Variants in KHDRBS3 observed in about 807,000 individuals in gnomAD.
KHDRBS3 encodes the protein KH domain-containing, RNA-binding, signal transduction-associated protein 3.
A neutral mutation model predicts 45.6 loss-of-function variants in KHDRBS3; 23 were observed. That is an observed-to-expected ratio of 0.50 (90% CI 0.36 to 0.72). The LOEUF is 0.72. Ranked by LOEUF, KHDRBS3 falls within the 30% of genes least tolerant of loss-of-function variation. KHDRBS3 has a pLI of 0.00. For missense variants in KHDRBS3, 352 were observed against 424.8 expected, an observed-to-expected ratio of 0.83 and a Z score of 1.51; for synonymous variants, 162 against 156.5, an observed-to-expected ratio of 1.04 and a Z score of -0.26.
At chr8:135,569,618 A>AAT (rs1827600991) in intron 5 of KHDRBS3, among the ~76,000 whole-genome samples, 1 of 152,134 alleles carries the variant, frequency 6.6e-6, no homozygotes, top group South Asian at 2.1e-4. Context: ...GGAAAGAAAA[A>AAT]ATATATATAT....
At chr8:135,539,409 G>T (rs1341532861) in intron 2 of KHDRBS3, 2 of 152,284 alleles carry the variant, frequency 1.3e-5, no homozygotes, top group African/African-American at 4.8e-5. Flanking sequence ...GGTGGCCTGG[G>T]CCAGGTCATG....
chr8:135,561,026 C>T (rs1049690367), intron 5 of KHDRBS3, among the ~76,000 whole-genome samples: 1 of 152,140 alleles, frequency 6.6e-6, no homozygotes, highest in Non-Finnish European at 1.5e-5. Context: ...TATATTCATA[C>T]GGCAGGAATT....
intron 1 of KHDRBS3, among the ~76,000 whole-genome samples, chr8:135,461,618 A>G (rs961494723): frequency 4.5e-4 from 69 of 152,212 alleles, no homozygotes; most frequent in African/African-American, 1.6e-3. Flanking sequence ...GACTCTTACT[A>G]AAAAACATCT....
intron 2 of KHDRBS3, among the ~76,000 whole-genome samples, chr8:135,529,257 A>T (rs1318326104): frequency 2.0e-5 from 3 of 152,188 alleles, no homozygotes; most frequent in Non-Finnish European, 4.4e-5. Context: ...CAGCAGGAGG[A>T]GTAAATCTTC....
chr8:135,504,002 C>G (rs1423613609), intron 1 of KHDRBS3, among the ~76,000 whole-genome samples: 1 of 152,100 alleles, frequency 6.6e-6, no homozygotes, highest in Non-Finnish European at 1.5e-5. Context: ...CACTTGAGGT[C>G]TGCTGTTAAT....
chr8:135,580,088 T>C (rs955839790), intron 5 of KHDRBS3, among the ~76,000 whole-genome samples: 1 of 152,172 alleles, frequency 6.6e-6, no homozygotes, highest in African/African-American at 2.4e-5. Context: ...AGTTGTAGCC[T>C]CTGAGGGTGA....
intron 1 of KHDRBS3, among the ~76,000 whole-genome samples, chr8:135,481,295 G>A (rs1822566427): frequency 7.2e-6 from 1 of 139,404 alleles, no homozygotes; most frequent in Admixed American, 7.2e-5. Context: ...TTTAATCACA[G>A]GTGCTTTTTT....
intron 1 of KHDRBS3, among the ~76,000 whole-genome samples, chr8:135,514,288 A>G (rs954637105): frequency 1.3e-5 from 2 of 152,242 alleles, no homozygotes; most frequent in African/African-American, 4.8e-5. Flanking sequence ...ATTATTTACA[A>G]TAGCTAAGAG....
At chr8:135,589,020 G>T (rs1314943801) in intron 6 of KHDRBS3, among the ~76,000 whole-genome samples, 1 of 152,126 alleles carries the variant, frequency 6.6e-6, no homozygotes, top group African/African-American at 2.4e-5. Context: ...CTTTTCACTT[G>T]TTCCTCATGA....
intron 5 of KHDRBS3, among the ~76,000 whole-genome samples, chr8:135,575,950 C>G (rs1402499995): frequency 2.0e-5 from 3 of 152,158 alleles, no homozygotes; most frequent in Admixed American, 6.5e-5. Flanking sequence ...TGTCCTGTCT[C>G]CTTAGGCTGC....
chr8:135,631,012 G>A (rs1413710474), intron 7 of KHDRBS3, among the ~76,000 whole-genome samples: 1 of 152,100 alleles, frequency 6.6e-6, no homozygotes, highest in Non-Finnish European at 1.5e-5. Context: ...ACTTTGGGAG[G>A]CCAAGGCAGG....
chr8:135,488,009 A>G (rs1016408146), intron 1 of KHDRBS3, among the ~76,000 whole-genome samples: 3 of 152,166 alleles, frequency 2.0e-5, no homozygotes, highest in African/African-American at 7.2e-5. Flanking sequence ...TGTTTTCACA[A>G]ATTGGTGCTG....
Position 135,489,920 on chromosome 8 carries a change from A to C in KHDRBS3, c.89-31317A>C, listed in dbSNP as rs377596887. Among the ~76,000 whole-genome samples, 23 of 152,256 alleles carry C rather than the reference A, an allele frequency of 1.5e-4. No individual in the cohort carries two copies. The East Asian group carries it at 2.5e-3, about 17-fold the overall frequency. On this transcript the variant is annotated intron_variant, in intron 1 of 8. Transcript: ENST00000355849. Reference sequence around the variant, plus strand: ...ACTTCCGCTCCTACAAGCTCCATTCATGGTAAGTGCCTTATACAGGTGTTC... The same window carrying C: ...ACTTCCGCTCCTACAAGCTCCATTCCTGGTAAGTGCCTTATACAGGTGTTC...
At chr8:135,470,624 C>T (rs1174735380) in intron 1 of KHDRBS3, among the ~76,000 whole-genome samples, 1 of 149,884 alleles carries the variant, frequency 6.7e-6, no homozygotes, top group Non-Finnish European at 1.5e-5. Context: ...CTTACTGTCT[C>T]ACCCAGGCTG....
chr8:135,472,336 C>T (rs983216761), intron 1 of KHDRBS3, among the ~76,000 whole-genome samples: 2 of 152,022 alleles, frequency 1.3e-5, no homozygotes, highest in Non-Finnish European at 2.9e-5. Flanking sequence ...AAAATAGGCA[C>T]GACACTACCT....
intron 2 of KHDRBS3, among the ~76,000 whole-genome samples, chr8:135,526,632 G>A (rs1586663499): frequency 6.6e-6 from 1 of 152,158 alleles, no homozygotes; most frequent in East Asian, 1.9e-4. Context: ...ATAGTGTAGT[G>A]TGGAATTAAT....
chr8:135,605,793 C>A (rs1471984504), intron 6 of KHDRBS3, among the ~76,000 whole-genome samples: 4 of 152,110 alleles, frequency 2.6e-5, no homozygotes. Flanking sequence ...TTGAAAATAA[C>A]CAAATTAAAG....
intron 6 of KHDRBS3, among the ~76,000 whole-genome samples, chr8:135,600,060 AC>A (rs1829139713): frequency 3.4e-5 from 1 of 29,510 alleles, no homozygotes; most frequent in African/African-American, 9.8e-5. Flanking sequence ...AGTGGCAGGC[AC>A]CTCTCTCACA....
At chr8:135,625,902 G>A in intron 7 of KHDRBS3, 1 of 776,388 alleles carries the variant, frequency 1.3e-6, no homozygotes, top group Non-Finnish European at 2.4e-6. Context: ...CAACTGCAGA[G>A]ACTAATTGAT....
Sources: gnomAD v4.1 joint callset for allele counts (sites outside exome capture counted in the v4.1 genomes callset) on GRCh38, gnomAD v4.1.1 for gene constraint, MANE v1.5 for transcripts, NCBI Gene and HGNC (gene_info 2026-07-23, HGNC 2026-07-21) for gene names.